Variants in LPAR3 observed in about 807,000 individuals in gnomAD.
LPAR3 encodes the protein lysophosphatidic acid receptor 3, also known as LPA receptor 3.
A neutral mutation model predicts 17.8 loss-of-function variants in LPAR3; 7 were observed. The observed-to-expected ratio is 0.39, with a 90% confidence interval of 0.22 to 0.74. The LOEUF (loss-of-function observed/expected upper bound fraction) is 0.74, where lower values mean the gene tolerates loss of function less well. Ranked by LOEUF, LPAR3 falls within the 30% of genes least tolerant of loss-of-function variation. The pLI is 0.40. For synonymous variants in LPAR3, 179 were observed against 179.9 expected (o/e 0.99, Z 0.04); for missense variants, 391 against 453.4 (o/e 0.86, Z 1.25).
chr1:84,832,493 G>A (rs913831090), intron 2 of LPAR3, among the ~76,000 whole-genome samples: 1 of 152,202 alleles, frequency 6.6e-6, no homozygotes, highest in Admixed American at 6.5e-5. Flanking sequence ...AGATATCACA[G>A]GTTGAGGTAA....
At chr1:84,827,468 A>G (rs1181992365) in intron 2 of LPAR3, among the ~76,000 whole-genome samples, 1 of 152,192 alleles carries the variant, frequency 6.6e-6, no homozygotes, top group Non-Finnish European at 1.5e-5. Context: ...CCTTTAAAAT[A>G]GAAGCATACC....
At chr1:84,823,359 T>C (rs568777257) in intron 2 of LPAR3, among the ~76,000 whole-genome samples, 26 of 152,176 alleles carry the variant, frequency 1.7e-4, no homozygotes, top group Non-Finnish European at 2.9e-4. Context: ...GAAAATAGAT[T>C]GTCACCGATG....
At chr1:84,843,494 C>T (rs998011641) in intron 2 of LPAR3, among the ~76,000 whole-genome samples, 1 of 152,236 alleles carries the variant, frequency 6.6e-6, no homozygotes, top group African/African-American at 2.4e-5. Flanking sequence ...GTGTGTTGGT[C>T]TAGACTTTTC....
chr1:84,824,296 C>T (rs961487297), intron 2 of LPAR3, among the ~76,000 whole-genome samples: 6 of 152,158 alleles, frequency 3.9e-5, no homozygotes, highest in African/African-American at 1.2e-4. Context: ...AGAACTATAG[C>T]ATGGTACAGT....
intron 2 of LPAR3, among the ~76,000 whole-genome samples, chr1:84,862,639 C>G (rs1659960895): frequency 6.6e-6 from 1 of 152,226 alleles, no homozygotes; most frequent in African/African-American, 2.4e-5. Flanking sequence ...AACAATCACA[C>G]TCTGTGTCTG....
rs192973681 is a variant in LPAR3 at position 84,876,728 on chromosome 1, T to C, written c.-18-10590A>G. Among the ~76,000 whole-genome samples the C allele has an allele frequency of 3.9e-5, 6 of 152,360 alleles. No individual in the cohort carries two copies. The East Asian group carries it at 9.6e-4, about 24-fold the overall frequency. On this transcript the variant is annotated intron_variant, in intron 1 of 2. Coordinates refer to ENST00000370611, the MANE Select transcript of LPAR3 (RefSeq NM_012152.3). ...TACAGTTGTCTTTCAAAGTACATTGTAATAACAACAAAAACTGTTATTTGA... is the reference window on the plus strand; with the variant it reads ...TACAGTTGTCTTTCAAAGTACATTGCAATAACAACAAAAACTGTTATTTGA...
chr1:84,863,429 C>T (rs1659977425), intron 2 of LPAR3, among the ~76,000 whole-genome samples: 1 of 152,170 alleles, frequency 6.6e-6, no homozygotes, highest in Admixed American at 6.5e-5. Flanking sequence ...ACCAACACTG[C>T]TAATGCTTCC....
intron 2 of LPAR3, among the ~76,000 whole-genome samples, chr1:84,829,982 A>G (rs1659250265): frequency 6.6e-6 from 1 of 152,168 alleles, no homozygotes; most frequent in Non-Finnish European, 1.5e-5. Flanking sequence ...TAAGCCCTCA[A>G]CCAAAGTCAC....
intron 2 of LPAR3, among the ~76,000 whole-genome samples, chr1:84,841,909 G>A (rs978216285): frequency 1.3e-5 from 2 of 152,058 alleles, no homozygotes; most frequent in Non-Finnish European, 2.9e-5. Flanking sequence ...CAGAAAATTT[G>A]CAAAAGAAAG....
intron 2 of LPAR3, among the ~76,000 whole-genome samples, chr1:84,853,707 C>T (rs1464511324): frequency 1.3e-5 from 2 of 152,204 alleles, no homozygotes; most frequent in African/African-American, 4.8e-5. Flanking sequence ...CCTCCCATCC[C>T]CAGATCCTGG....
chr1:84,813,224 C>T lies in LPAR3; in HGVS notation c.*622G>A, dbSNP rs1336911185. On this transcript the variant is annotated 3_prime_UTR_variant, in exon 3 of 3. Coordinates refer to ENST00000370611, the MANE Select transcript of LPAR3 (RefSeq NM_012152.3). ...ACATGCATGGAGGACCATACTAAGG[C>T]CTTTTTCAGGTCAAAAAGGGTTTTC... The T allele has an allele frequency of 1.4e-5, 2 of 143,528 alleles. No individual in the cohort carries two copies. Among genetic ancestry groups the T allele is most frequent in the Admixed American group, 7.0e-5 (1 of 14,314 alleles). 8.9% of individuals were successfully genotyped at this position (143,528 alleles called of 1,614,324 possible). A position where few individuals can be genotyped will look rare whatever the true frequency, so the allele number is the denominator to read the frequency against.
intron 2 of LPAR3, among the ~76,000 whole-genome samples, chr1:84,863,165 C>G (rs1659973416): frequency 1.3e-5 from 2 of 152,100 alleles, no homozygotes; most frequent in African/African-American, 4.8e-5. Context: ...ACCTCAACCT[C>G]CCGGGTTCAA....
intron 2 of LPAR3, among the ~76,000 whole-genome samples, chr1:84,819,901 C>T (rs1659017558): frequency 6.6e-6 from 1 of 152,186 alleles, no homozygotes; most frequent in Non-Finnish European, 1.5e-5. Context: ...TTCCTCCTCT[C>T]AACTCCTGTA....
At chr1:84,850,585 C>T (rs1366950510) in intron 2 of LPAR3, among the ~76,000 whole-genome samples, 1 of 151,848 alleles carries the variant, frequency 6.6e-6, no homozygotes, top group Non-Finnish European at 1.5e-5. Flanking sequence ...CCAGATGTTG[C>T]CTTGAAAGGG....
chr1:84,867,265 T>TGG (rs1660069453), intron 1 of LPAR3, among the ~76,000 whole-genome samples: 1 of 152,082 alleles, frequency 6.6e-6, no homozygotes, highest in Admixed American at 6.6e-5. Flanking sequence ...CCATGAACGG[T>TGG]CCTACGGAAG....
At chr1:84,889,308 T>C (rs12035778) in intron 1 of LPAR3, among the ~76,000 whole-genome samples, 101,159 of 151,884 alleles carry the variant, frequency 0.67, 34,099 homozygotes, top group East Asian at 0.85. Flanking sequence ...GCAATGCCTT[T>C]GGTCAGTTTA....
chr1:84,864,440 G>A (rs1043603123), intron 2 of LPAR3, among the ~76,000 whole-genome samples: 8 of 152,158 alleles, frequency 5.3e-5, no homozygotes, highest in South Asian at 2.1e-4. Context: ...GGCATAAATA[G>A]GTTAAACAAT....
intron 2 of LPAR3, among the ~76,000 whole-genome samples, chr1:84,847,633 A>G (rs1299262972): frequency 6.6e-6 from 1 of 152,122 alleles, no homozygotes; most frequent in Non-Finnish European, 1.5e-5. Context: ...TGTCTGTTTT[A>G]TATCCTAGCT....
chr1:84,888,149 CAT>C (rs1328111623), intron 1 of LPAR3, among the ~76,000 whole-genome samples: 7 of 79,638 alleles, frequency 8.8e-5, no homozygotes, highest in African/African-American at 3.0e-4. Flanking sequence ...TATATACATA[CAT>C]ACACACACAC....
Sources: allele counts gnomAD v4.1 joint callset (sites outside exome capture counted in the v4.1 genomes callset), GRCh38; gene constraint gnomAD v4.1.1; transcripts MANE v1.5; gene names NCBI Gene and HGNC (gene_info 2026-07-23, HGNC 2026-07-21).